ATP8A2: variants seen among roughly 807,000 people sequenced by gnomAD.
ATP8A2 encodes ATPase phospholipid transporting 8A2.
ATP8A2 carries 100 observed loss-of-function variants against 165.6 expected under a neutral mutation model. That is an observed-to-expected ratio of 0.60 (90% CI 0.51 to 0.71). The LOEUF (loss-of-function observed/expected upper bound fraction) is 0.71. Among genes scored for constraint, ATP8A2 ranks in the 30% least tolerant of loss-of-function variants. ATP8A2 has a pLI of 0.00. For synonymous variants in ATP8A2, 543 were observed against 548.8 expected (o/e 0.99, Z 0.15); for missense variants, 1,227 against 1,479.5 (o/e 0.83, Z 2.80).
chr13:25,456,386 G>A (rs1477293368), intron 1 of ATP8A2, among the ~76,000 whole-genome samples: 1 of 152,222 alleles, frequency 6.6e-6, no homozygotes, highest in East Asian at 1.9e-4. Context: ...AGACACATAA[G>A]CAGAATAATT....
intron 1 of ATP8A2, among the ~76,000 whole-genome samples, chr13:25,459,249 G>T (rs2137473550): frequency 6.6e-6 from 1 of 152,332 alleles, no homozygotes; most frequent in East Asian, 1.9e-4. Flanking sequence ...ATTGGACTGA[G>T]CTACCAACAA....
At chr13:25,469,186 C>A in intron 2 of ATP8A2, 65 bp downstream of exon 2, 3 of 1,572,938 alleles carry the variant, frequency 1.9e-6, no homozygotes, top group Non-Finnish European at 2.6e-6. Context: ...GGCTCGTCCT[C>A]CTGCGCGGGG....
chr13:25,502,203 C>A (rs920595942), intron 2 of ATP8A2, among the ~76,000 whole-genome samples: 7 of 152,122 alleles, frequency 4.6e-5, no homozygotes, highest in Admixed American at 2.0e-4. Flanking sequence ...AGACAGCAGT[C>A]ATGTGTCATT....
rs766862817 is a variant in ATP8A2, at chr13:25,541,946, A to G, written c.679A>G (p.Thr227Ala). ...QGLSHTADMQ[T>A]REVLMKLSGT... The stretch of plus-strand genomic sequence containing the variant: ...TTTGAGTCACACTGCTGACATGCAA[A>G]CACGTGAAGTTCTGATGAAGTTATC... Residue 227 changes from threonine (T) to alanine (A), a missense_variant, in exon 9 of 37, where the codon ACA becomes GCA. By Grantham distance (58) the Thr-to-Ala change is moderately conservative. Around this residue, in one of 5 missense-constraint regions of ATP8A2, gnomAD observed 356 missense variants for 394.9 expected, o/e 0.90. Transcript: ENST00000381655. 3.1e-6 allele frequency: 5 copies of G among 1,613,994 alleles called. No individual in the cohort carries two copies. Among genetic ancestry groups the G allele is most frequent in the Non-Finnish European group, 1.7e-6 (2 of 1,179,996 alleles).
intron 27 of ATP8A2, among the ~76,000 whole-genome samples, chr13:25,811,657 G>A (rs531147563): frequency 1.3e-5 from 2 of 152,214 alleles, no homozygotes; most frequent in East Asian, 3.9e-4. Flanking sequence ...TTTGAGACAA[G>A]CCTAGGAACA....
At chr13:25,829,517 A>G (rs987681882) in intron 28 of ATP8A2, among the ~76,000 whole-genome samples, 4 of 151,410 alleles carry the variant, frequency 2.6e-5, no homozygotes, top group Non-Finnish European at 5.9e-5. Context: ...TTTCGGGGAA[A>G]TATGCAGAAT....
At chr13:25,402,117 G>A (rs950103661) in intron 1 of ATP8A2, among the ~76,000 whole-genome samples, 1 of 152,078 alleles carries the variant, frequency 6.6e-6, no homozygotes, top group Admixed American at 6.5e-5. Context: ...GACTAAATGG[G>A]CTGGCTGGGA....
intron 24 of ATP8A2, chr13:25,591,133 A>ATG (rs59431385): frequency 0.17 from 50,461 of 291,330 alleles, 2,355 homozygotes; most frequent in Non-Finnish European, 0.2. Context: ...TGGAAATACT[A>ATG]TGTGTGTGTG....
chr13:25,731,307 A>AGAAGGAAAGAGAGAGAGAG (rs2043633107), intron 25 of ATP8A2, among the ~76,000 whole-genome samples: 1 of 111,806 alleles, frequency 8.9e-6, no homozygotes, highest in African/African-American at 4.0e-5. Flanking sequence ...AAAGAAAGAA[A>AGAAGGAAAGAGAGAGAGAG]AGACCGGAAG....
intron 1 of ATP8A2, among the ~76,000 whole-genome samples, chr13:25,396,784 TTTCAGACACATCTA>T (rs1489582956): frequency 6.6e-6 from 1 of 152,206 alleles, no homozygotes; most frequent in Non-Finnish European, 1.5e-5. Context: ...CTTTCAGGCT[TTTCAGACACATCTA>T]TTGCGGGGAG....
rs528785882 is a variant in ATP8A2 at position 25,772,630 on chromosome 13, G to A, written c.2569-2219G>A. On this transcript the variant is annotated intron_variant, in intron 26 of 36. Transcript: ENST00000381655. ...CCTAGGATGGAGTCCTTTCTTTAGT[G>A]CTAATGGAGATTATTATGCAGTTTC... 5.0e-3 allele frequency among the ~76,000 whole-genome samples: 765 copies of A among 152,092 alleles called. 4 individuals are homozygous for A. Among genetic ancestry groups the A allele is most frequent in the African/African-American group, 0.016 (658 of 41,494 alleles).
chr13:25,379,416 T>C (rs1294398246), intron 1 of ATP8A2, among the ~76,000 whole-genome samples: 1 of 152,244 alleles, frequency 6.6e-6, no homozygotes, highest in Non-Finnish European at 1.5e-5. Context: ...CAAAGACAGT[T>C]GCTTTTTTCA....
intron 18 of ATP8A2, among the ~76,000 whole-genome samples, chr13:25,574,573 T>C (rs2039561584): frequency 6.6e-6 from 1 of 152,198 alleles, no homozygotes; most frequent in Admixed American, 6.5e-5. Context: ...TATCTCCATC[T>C]CTTGGAAGTG....
At chr13:25,622,751 G>T (rs1045636453) in intron 24 of ATP8A2, among the ~76,000 whole-genome samples, 170 of 152,224 alleles carry the variant, frequency 1.1e-3, no homozygotes, top group African/African-American at 3.8e-3. Flanking sequence ...GCTGATACTT[G>T]GGTCCCATCC....
At chr13:25,761,722 T>C (rs1357351334) in intron 25 of ATP8A2, among the ~76,000 whole-genome samples, 1 of 151,398 alleles carries the variant, frequency 6.6e-6, no homozygotes, top group Non-Finnish European at 1.5e-5. Flanking sequence ...TAAATATAAA[T>C]AATTTGTTTG....
chr13:25,837,028 T>A, intron 28 of ATP8A2, 135 bp from the exon 29 acceptor site: 1 of 1,040,526 alleles, frequency 9.6e-7, no homozygotes, highest in Non-Finnish European at 1.4e-6. Flanking sequence ...GTTTGGAGGG[T>A]GTCTGGGGAT....
chr13:25,674,923 C>T (rs985306316), intron 24 of ATP8A2, among the ~76,000 whole-genome samples: 7 of 152,160 alleles, frequency 4.6e-5, no homozygotes, highest in African/African-American at 9.7e-5. Flanking sequence ...GTTTGCTGGT[C>T]GTGCTACTGA....
chr13:25,739,282 G>A (rs2043855220), intron 25 of ATP8A2, among the ~76,000 whole-genome samples: 1 of 152,216 alleles, frequency 6.6e-6, no homozygotes, highest in Admixed American at 6.5e-5. Flanking sequence ...CTCATCAGGG[G>A]CTTTGAGTGT....
intron 24 of ATP8A2, among the ~76,000 whole-genome samples, chr13:25,635,299 A>G (rs2041342191): frequency 6.6e-6 from 1 of 152,214 alleles, no homozygotes; most frequent in African/African-American, 2.4e-5. Flanking sequence ...TTGGGGAGAA[A>G]GCACTTAGGG....
Sources: allele counts gnomAD v4.1 joint callset (sites outside exome capture counted in the v4.1 genomes callset), GRCh38; gene constraint gnomAD v4.1.1; regional missense constraint gnomAD v4.1.1; transcripts MANE v1.5; gene names NCBI Gene and HGNC (gene_info 2026-07-23, HGNC 2026-07-21).